Variants in FRMPD1 observed in about 807,000 individuals in gnomAD.
FRMPD1 encodes the protein FERM and PDZ domain-containing protein 1.
In FRMPD1, 76 loss-of-function variants were observed where a neutral mutation model predicts 117.8. That is an observed-to-expected ratio of 0.65 (90% confidence interval 0.54 to 0.78). FRMPD1 has a LOEUF of 0.78. Ranked by LOEUF, FRMPD1 falls within the 30% of genes least tolerant of loss-of-function variation. The pLI is 0.00. For synonymous variants in FRMPD1, 783 were observed against 770.4 expected, an observed-to-expected ratio of 1.02 and a Z score of -0.27; for missense variants, 1,786 against 1,964.5, an observed-to-expected ratio of 0.91 and a Z score of 1.72.
intron 1 of FRMPD1, chr9:37,669,888 G>T (rs1219610585): frequency 6.6e-6 from 1 of 152,050 alleles, no homozygotes; most frequent in African/African-American, 2.4e-5. Flanking sequence ...AGCTACTCGG[G>T]AGGCTGAGGC....
At chr9:37,726,698 C>CA (rs910084636) in intron 7 of FRMPD1, among the ~76,000 whole-genome samples, 22 of 151,330 alleles carry the variant, frequency 1.5e-4, no homozygotes, top group African/African-American at 5.3e-4. Flanking sequence ...AACTCCATCT[C>CA]AAAAAAATAA....
the FRMPD1 span, among the ~76,000 whole-genome samples, chr9:37,612,587 C>T: frequency 8.1e-5 from 12 of 148,454 alleles, 1 homozygote; most frequent in South Asian, 2.6e-3. Flanking sequence ...GGCACGATCT[C>T]AGCTCACTGC....
At chr9:37,679,846 G>A (rs773619211) in intron 1 of FRMPD1, among the ~76,000 whole-genome samples, 4 of 152,182 alleles carry the variant, frequency 2.6e-5, no homozygotes, top group African/African-American at 4.8e-5. Context: ...TTCAGCAGCC[G>A]CAGCTGACTC....
At chr9:37,717,526 T>G (rs1178839523) in intron 5 of FRMPD1, among the ~76,000 whole-genome samples, 1 of 151,634 alleles carries the variant, frequency 6.6e-6, no homozygotes, top group Non-Finnish European at 1.5e-5. Context: ...ACTAAAGGCA[T>G]GCACCACCAC....
intron 1 of FRMPD1, 63 bp from the exon 2 acceptor site, chr9:37,692,575 T>C (rs1292023886): frequency 1.1e-5 from 12 of 1,045,170 alleles, no homozygotes; most frequent in East Asian, 9.5e-5. Context: ...ATCGTCCTGA[T>C]TTATCAAAAT....
intron 5 of FRMPD1, among the ~76,000 whole-genome samples, chr9:37,715,834 T>C (rs1282945054): frequency 1.3e-5 from 2 of 152,158 alleles, no homozygotes; most frequent in African/African-American, 4.8e-5. Context: ...GCCAGTTTCA[T>C]GGTTGGGTGG....
chr9:37,659,915 TA>T (rs36016239), intron 1 of FRMPD1, among the ~76,000 whole-genome samples: 15,037 of 103,502 alleles, frequency 0.15, 817 homozygotes, highest in Middle Eastern at 0.24. Context: ...TTTCAAGCAC[TA>T]AAAAAAAAAA....
chr9:37,740,622 G>GT lies in FRMPD1; in HGVS notation c.2095dup (p.Tyr699LeufsTer2), dbSNP rs1323748268. On this transcript the variant is annotated frameshift_variant, in exon 15 of 16. Coordinates refer to ENST00000377765, the MANE Select transcript of FRMPD1 (RefSeq NM_014907.3). LOFTEE classifies it high-confidence loss of function. This position sits in a 1 kb window ranked among gnomAD's most constrained non-coding sequence, Gnocchi z 4.2. ...GCACAGTCAGGCTGGACCCCAGGCT[G>GT]TATGAAGGCAGCCACGCTGACTACT... 1 of 1,614,206 alleles carries GT rather than the reference G, an allele frequency of 6.2e-7. No individual in the cohort carries two copies. The highest frequency in any genetic ancestry group is 1.3e-5 in the African/African-American group (1 of 75,080).
intron 1 of FRMPD1, among the ~76,000 whole-genome samples, chr9:37,674,158 C>A (rs907653454): frequency 6.6e-5 from 10 of 152,296 alleles, no homozygotes; most frequent in South Asian, 2.1e-4. Flanking sequence ...TGACAGCACC[C>A]AAGTCACATT....
intron 4 of FRMPD1, 140 bp downstream of exon 4, chr9:37,708,641 G>C (rs1038096245): frequency 3.4e-6 from 2 of 594,026 alleles, no homozygotes; most frequent in East Asian, 5.8e-5. Flanking sequence ...CCTCGTTTTA[G>C]AGTTCCATCT....
intron 1 of FRMPD1, among the ~76,000 whole-genome samples, chr9:37,656,927 T>C (rs1264408320): frequency 1.0e-5 from 1 of 98,182 alleles, no homozygotes; most frequent in Non-Finnish European, 1.8e-5. Flanking sequence ...GTTGTTTTGG[T>C]GAAAAAGAAA....
chr9:37,694,825 T>C (rs1321599095), intron 2 of FRMPD1, among the ~76,000 whole-genome samples: 1 of 150,612 alleles, frequency 6.6e-6, no homozygotes, highest in Non-Finnish European at 1.5e-5. Context: ...TAATGTGTTC[T>C]TCTTTTGCTT....
chr9:37,659,932 A>C (rs1327417428), intron 1 of FRMPD1, among the ~76,000 whole-genome samples: 6 of 148,296 alleles, frequency 4.0e-5, no homozygotes, highest in African/African-American at 1.3e-4. Flanking sequence ...AAAAAAAAAA[A>C]AACAAAACTG....
chr9:37,650,432 A>G (rs1208844597), upstream of FRMPD1, among the ~76,000 whole-genome samples: 1 of 152,046 alleles, frequency 6.6e-6, no homozygotes, highest in African/African-American at 2.4e-5. Context: ...AGGAGTTTAC[A>G]GAGACAGGGG....
Position 37,696,075 on chromosome 9 carries a change from T to TTG in FRMPD1, c.101+3333_101+3334insTG, listed in dbSNP as rs752862883. 1.7e-5 allele frequency among the ~76,000 whole-genome samples: 2 copies of TTG among 120,642 alleles called. 1 individual carries two copies. The highest frequency in any genetic ancestry group is 6.2e-4 in the South Asian group (2 of 3,224). The allele number at this position is 120,642 out of a possible 152,430, so 79.1% of individuals were successfully genotyped here. A position where few individuals can be genotyped will look rare whatever the true frequency, so the allele number is the denominator to read the frequency against. On this transcript the variant is annotated intron_variant, in intron 2 of 15. Transcript: ENST00000377765. ...GCTTTTTTTTTTTTTTTTTTTTTTT[T>TTG]AATATCTAGAAGTCATCGAGCTCTT...
chr9:37,631,527 T>A, the FRMPD1 span, among the ~76,000 whole-genome samples: 13 of 152,242 alleles, frequency 8.5e-5, no homozygotes, highest in Non-Finnish European at 1.5e-4. Flanking sequence ...TCTAAAGCGT[T>A]TCCAATGTGC....
chr9:37,739,555 G>T (rs1381630324), intron 14 of FRMPD1, among the ~76,000 whole-genome samples: 1 of 152,184 alleles, frequency 6.6e-6, no homozygotes, highest in African/African-American at 2.4e-5. Flanking sequence ...CCAGGCTTTA[G>T]AATGGTGCCA....
At position 37,657,635 on chromosome 9, in the gene FRMPD1, C is replaced by T. The variant is rs145340519; in HGVS notation, c.-5+6541C>T. On this transcript the variant is annotated intron_variant, in intron 1 of 15. Coordinates refer to ENST00000377765, the MANE Select transcript of FRMPD1 (RefSeq NM_014907.3). ...TATGTATAGGAGATGGAAGAATAGA[C>T]GGTCTCTTTCTCAAGCTCATTCCTG... Among the ~76,000 whole-genome samples, 365 of 152,300 alleles carry T rather than the reference C, an allele frequency of 2.4e-3. 4 individuals are homozygous for T. The highest frequency in any genetic ancestry group is 8.2e-3 in the African/African-American group (340 of 41,564).
At chr9:37,714,010 T>C (rs954351854) in intron 5 of FRMPD1, among the ~76,000 whole-genome samples, 6 of 152,252 alleles carry the variant, frequency 3.9e-5, no homozygotes, top group Non-Finnish European at 7.3e-5. Flanking sequence ...AAATGTTATC[T>C]TTTGTTTTTA....
Sources: allele counts gnomAD v4.1 joint callset (sites outside exome capture counted in the v4.1 genomes callset), GRCh38; gene constraint gnomAD v4.1.1; non-coding constraint Gnocchi (gnomAD v3.1); transcripts MANE v1.5; gene names NCBI Gene and HGNC (gene_info 2026-07-23, HGNC 2026-07-21).